Variants in LRBA observed in about 807,000 individuals in gnomAD.
The protein encoded by LRBA is LPS responsive beige-like anchor protein.
Under a neutral mutation model 330.0 loss-of-function variants are expected in LRBA, and 176 were observed. The ratio of observed to expected loss-of-function variants is 0.53; its 90% confidence interval spans 0.47 to 0.60. LRBA has a LOEUF of 0.60. LRBA is among the 20% of genes least tolerant of loss of function. The pLI is 0.00. For missense variants in LRBA, 3,259 were observed against 3,444.8 expected, an observed-to-expected ratio of 0.95 and a Z score of 1.35; for synonymous variants, 1,230 against 1,193.0, an observed-to-expected ratio of 1.03 and a Z score of -0.64.
At chr4:150,875,028 G>A (rs1753844710) in intron 17 of LRBA, among the ~76,000 whole-genome samples, 5 of 151,914 alleles carry the variant, frequency 3.3e-5, no homozygotes, top group Admixed American at 3.3e-4. Flanking sequence ...TCACCCCTCT[G>A]TGCAAAGATC....
At chr4:150,681,846 C>A (rs1208186943) in intron 37 of LRBA, among the ~76,000 whole-genome samples, 1 of 152,080 alleles carries the variant, frequency 6.6e-6, no homozygotes. Context: ...TACCTTAGAA[C>A]AACTCTATTA....
chr4:150,872,399 T>C (rs1257346738), intron 18 of LRBA, among the ~76,000 whole-genome samples: 2 of 152,192 alleles, frequency 1.3e-5, no homozygotes, highest in African/African-American at 2.4e-5. Context: ...CAAGTCTCCA[T>C]AGCTTCTTGA....
chr4:150,309,294 A>G (rs1253040451), intron 52 of LRBA, among the ~76,000 whole-genome samples: 1 of 152,022 alleles, frequency 6.6e-6, no homozygotes, highest in African/African-American at 2.4e-5. Flanking sequence ...GCAATAGGTG[A>G]CCCCATATAG....
At chr4:150,703,680 C>T (rs1014383810) in intron 36 of LRBA, among the ~76,000 whole-genome samples, 6 of 152,072 alleles carry the variant, frequency 3.9e-5, no homozygotes, top group African/African-American at 1.4e-4. Context: ...AAAGGTCAGC[C>T]TTTAACGATT....
intron 43 of LRBA, among the ~76,000 whole-genome samples, chr4:150,469,009 A>G (rs1355499424): frequency 6.6e-6 from 1 of 151,960 alleles, no homozygotes; most frequent in Non-Finnish European, 1.5e-5. Flanking sequence ...TTTCTCCATT[A>G]AAAAAACCAA....
chr4:150,993,868 G>A (rs1742361973), intron 2 of LRBA, among the ~76,000 whole-genome samples: 1 of 151,660 alleles, frequency 6.6e-6, no homozygotes, highest in African/African-American at 2.4e-5. Context: ...ATTTGGGTGG[G>A]GACACAGAGC....
At chr4:150,987,318 A>C (rs1053366434) in intron 2 of LRBA, among the ~76,000 whole-genome samples, 2 of 152,224 alleles carry the variant, frequency 1.3e-5, no homozygotes, top group Admixed American at 6.5e-5. Context: ...GTACTGAAGA[A>C]ATTGTGCTAA....
chr4:150,609,054 C>T (rs1365557268), intron 37 of LRBA, among the ~76,000 whole-genome samples: 15 of 152,256 alleles, frequency 9.9e-5, no homozygotes, highest in South Asian at 8.3e-4. Context: ...TTGGGTTTTA[C>T]GATGAGAAAA....
intron 28 of LRBA, among the ~76,000 whole-genome samples, chr4:150,833,822 G>A (rs369608596): frequency 1.4e-4 from 22 of 151,978 alleles, no homozygotes; most frequent in East Asian, 1.3e-3. Flanking sequence ...AGCAAGCAAC[G>A]CTGTTTCATA....
intron 54 of LRBA, among the ~76,000 whole-genome samples, chr4:150,283,382 G>T (rs1747779620): frequency 6.6e-6 from 1 of 152,160 alleles, no homozygotes; most frequent in African/African-American, 2.4e-5. Flanking sequence ...CAAGCTTTTT[G>T]TTTCTGTTGA....
chr4:150,471,777 T>C (rs1389586518), intron 42 of LRBA, 38 bp from the exon 43 acceptor site: 1 of 881,476 alleles, frequency 1.1e-6, no homozygotes, highest in Admixed American at 2.0e-5. Flanking sequence ...TGATTAATTA[T>C]ATCACAATAA....
intron 47 of LRBA, among the ~76,000 whole-genome samples, chr4:150,359,683 G>A (rs1171344882): frequency 2.0e-5 from 3 of 151,966 alleles, no homozygotes; most frequent in Non-Finnish European, 4.4e-5. Flanking sequence ...CACTATTAAA[G>A]TATTAAAATA....
intron 47 of LRBA, among the ~76,000 whole-genome samples, chr4:150,360,919 T>C (rs1217186147): frequency 6.6e-6 from 1 of 152,230 alleles, no homozygotes; most frequent in African/African-American, 2.4e-5. Context: ...GTAAAAGGGC[T>C]AATTCTACCA....
intron 2 of LRBA, among the ~76,000 whole-genome samples, chr4:150,980,955 C>T (rs1399515200): frequency 6.6e-6 from 1 of 151,820 alleles, no homozygotes; most frequent in Non-Finnish European, 1.5e-5. Flanking sequence ...CAATAAAATA[C>T]TGGTGAAAAA....
chr4:150,798,175 T>A, intron 33 of LRBA, 33 bp from the exon 34 acceptor site: 1 of 1,379,138 alleles, frequency 7.3e-7, no homozygotes, highest in Non-Finnish European at 1.0e-6. Context: ...AAAGAAGTTA[T>A]AAAGAAAACA....
At chr4:150,567,176 T>C (rs1470994963) in intron 40 of LRBA, among the ~76,000 whole-genome samples, 1 of 152,122 alleles carries the variant, frequency 6.6e-6, no homozygotes, top group Admixed American at 6.6e-5. Flanking sequence ...AAAATGATAA[T>C]AACAACTGCT....
intron 17 of LRBA, among the ~76,000 whole-genome samples, chr4:150,891,295 T>C (rs1191225552): frequency 6.6e-6 from 1 of 152,170 alleles, no homozygotes; most frequent in Admixed American, 6.5e-5. Flanking sequence ...TATTAGACAG[T>C]GGTGAGGGAA....
intron 41 of LRBA, among the ~76,000 whole-genome samples, chr4:150,488,925 A>C (rs113325252): frequency 0.15 from 19,706 of 129,592 alleles, 1,445 homozygotes; most frequent in Middle Eastern, 0.18. Context: ...ACACATAAGA[A>C]TATATACACA....
At chr4:150,298,047 A>G (rs1358655956) in intron 53 of LRBA, among the ~76,000 whole-genome samples, 2 of 152,146 alleles carry the variant, frequency 1.3e-5, no homozygotes, top group African/African-American at 4.8e-5. Context: ...TAAGTCCCCA[A>G]ATGCATCCAG....
Sources: gnomAD v4.1 joint callset for allele counts (sites outside exome capture counted in the v4.1 genomes callset) on GRCh38, gnomAD v4.1.1 for gene constraint, MANE v1.5 for transcripts, NCBI Gene and HGNC (gene_info 2026-07-23, HGNC 2026-07-21) for gene names.